The following NCOA3 variants were observed in gnomAD, a reference collection of about 807,000 sequenced individuals.
The protein encoded by NCOA3 is CBP-interacting protein.
A neutral mutation model predicts 158.8 loss-of-function variants in NCOA3; 51 were observed. That is an observed-to-expected ratio of 0.32 (90% CI 0.26 to 0.41). The LOEUF (loss-of-function observed/expected upper bound fraction) is 0.41. Among genes scored for constraint, NCOA3 ranks in the 10% least tolerant of loss-of-function variants. The pLI is 1.00. For missense variants in NCOA3, 1,510 were observed against 1,746.6 expected (o/e 0.86, Z 2.41); for synonymous variants, 537 against 592.4 (o/e 0.91, Z 1.36).
intron 8 of NCOA3, chr20:47,628,362 T>C (rs2086357007): frequency 5.3e-6 from 1 of 189,512 alleles, no homozygotes; most frequent in South Asian, 1.6e-4. Context: ...AAGAAACATG[T>C]TTTAAAAAAT....
chr20:47,636,793 A>G lies in NCOA3; in HGVS notation c.2376+31A>G. 2.6e-6 allele frequency: 4 copies of G among 1,531,570 alleles called. 1 individual carries two copies. Among genetic ancestry groups the G allele is most frequent in the South Asian group, 2.6e-5 (2 of 78,276 alleles). 94.9% of individuals were successfully genotyped at this position (1,531,570 alleles called of 1,614,324 possible). A position where few individuals can be genotyped will look rare whatever the true frequency, so the allele number is the denominator to read the frequency against. On this transcript the variant is annotated intron_variant, in intron 12 of 22. Transcript: ENST00000371998. Reference sequence around the variant, plus strand: ...TTGTTTTCTGTATATTTCAGCTCATATTTCATCATTTTTCGGTGTTAGATA... The same window carrying G: ...TTGTTTTCTGTATATTTCAGCTCATGTTTCATCATTTTTCGGTGTTAGATA...
In NCOA3 at chr20:47,634,013, T is replaced by A. The variant is rs752217747; in HGVS notation, c.965-35T>A. On this transcript the variant is annotated intron_variant, in intron 9 of 22. Transcript: ENST00000371998. Reference sequence around the variant, plus strand: ...TCCTATATATATTTGTTTTGCTGACTGTAGTTACCAGTGATGGGATATTTT... The same window carrying A: ...TCCTATATATATTTGTTTTGCTGACAGTAGTTACCAGTGATGGGATATTTT... 5 of 1,612,536 alleles carry A rather than the reference T, an allele frequency of 3.1e-6. No individual in the cohort carries two copies. In the South Asian group the frequency reaches 5.5e-5, roughly 18 times the overall value.
chr20:47,642,422 T>TTG (rs753585419), intron 17 of NCOA3, 38 bp downstream of exon 17: 248 of 1,512,040 alleles, frequency 1.6e-4, no homozygotes, highest in Non-Finnish European at 2.1e-4. Flanking sequence ...GAGTGTATAT[T>TTG]TGTGTGTGTG....
intron 1 of NCOA3, among the ~76,000 whole-genome samples, chr20:47,558,582 C>T (rs2085050073): frequency 6.6e-6 from 1 of 152,082 alleles, no homozygotes; most frequent in Non-Finnish European, 1.5e-5. Flanking sequence ...GTGTCCCTAT[C>T]AGTAAAAGAA....
intron 1 of NCOA3, among the ~76,000 whole-genome samples, chr20:47,556,980 G>A (rs1208909865): frequency 6.6e-6 from 1 of 152,142 alleles, no homozygotes; most frequent in Non-Finnish European, 1.5e-5. Flanking sequence ...CTTTTTGTCA[G>A]TATATAGAGA....
At chr20:47,570,984 A>ATGTGTGTGTGTGTG (rs74178747) in intron 1 of NCOA3, among the ~76,000 whole-genome samples, 23,932 of 119,120 alleles carry the variant, frequency 0.2, 3,086 homozygotes, top group Non-Finnish European at 0.28. Flanking sequence ...ATATACATAT[A>ATGTGTGTGTGTGTG]TGTGTGTGTG....
intron 17 of NCOA3, among the ~76,000 whole-genome samples, chr20:47,646,787 T>G (rs556633833): frequency 6.6e-5 from 10 of 152,310 alleles, no homozygotes; most frequent in African/African-American, 2.4e-4. Flanking sequence ...ATTCAGTGCC[T>G]GTGGATGAGA....
At chr20:47,508,326 T>G (rs1247235653) in intron 1 of NCOA3, among the ~76,000 whole-genome samples, 4 of 152,352 alleles carry the variant, frequency 2.6e-5, no homozygotes, top group Admixed American at 2.6e-4. Flanking sequence ...GAAGTCATTC[T>G]TTTAAATAGA....
chr20:47,570,947 C>CACAT (rs2085283184), intron 1 of NCOA3, among the ~76,000 whole-genome samples: 1 of 128,554 alleles, frequency 7.8e-6, no homozygotes, highest in African/African-American at 3.0e-5. Context: ...TATACACACA[C>CACAT]ACACACACAC....
chr20:47,514,116 T>G (rs2146061738), intron 1 of NCOA3, among the ~76,000 whole-genome samples: 1 of 152,314 alleles, frequency 6.6e-6, no homozygotes, highest in South Asian at 2.1e-4. Flanking sequence ...AAGTATTTTC[T>G]TAACTGAGAC....
At chr20:47,570,969 C>CACACA (rs1555805791) in intron 1 of NCOA3, among the ~76,000 whole-genome samples, 2 of 105,464 alleles carry the variant, frequency 1.9e-5, no homozygotes, top group Admixed American at 8.8e-5. Context: ...CACACACACA[C>CACACA]AAGTATATAC....
rs1602559688 is a variant in NCOA3, at chr20:47,656,276, T to C, written c.*2859T>C. 1 of 152,170 alleles carries C rather than the reference T, an allele frequency of 6.6e-6. No homozygotes were observed. The highest frequency in any genetic ancestry group is 2.1e-4 in the South Asian group (1 of 4,830). The allele number at this position is 152,170 out of a possible 1,614,324, so 9.4% of individuals were successfully genotyped here. On this transcript the variant is annotated 3_prime_UTR_variant, in exon 23 of 23. Coordinates refer to ENST00000371998, the MANE Select transcript of NCOA3 (RefSeq NM_181659.3). ...TAATGTTCATATTATGATGCCACTTTTCTAAACTGCATCTGGATTGAAAGG... is the reference window on the plus strand; with the variant it reads ...TAATGTTCATATTATGATGCCACTTCTCTAAACTGCATCTGGATTGAAAGG...
At chr20:47,578,784 C>T (rs1275294914) in intron 1 of NCOA3, among the ~76,000 whole-genome samples, 3 of 152,194 alleles carry the variant, frequency 2.0e-5, no homozygotes, top group Admixed American at 6.5e-5. Context: ...GTGACAGTGG[C>T]TCCCCTTTTC....
chr20:47,575,635 T>TA, intron 1 of NCOA3, among the ~76,000 whole-genome samples: 1 of 152,338 alleles, frequency 6.6e-6, no homozygotes, highest in South Asian at 2.1e-4. Flanking sequence ...ACTGGTATCT[T>TA]ACTTTGCTGG....
rs2086849126 is a variant in NCOA3 at position 47,654,864 on chromosome 20, A to ATGTATG, written c.*1450_*1451insATGTGT. The ATGTATG allele has an allele frequency of 6.7e-6, 1 of 148,270 alleles. No homozygotes were observed. The highest frequency in any genetic ancestry group is 6.7e-5 in the Admixed American group (1 of 14,840). The allele number at this position is 148,270 out of a possible 1,614,324, so 9.2% of individuals were successfully genotyped here. A position where few individuals can be genotyped will look rare whatever the true frequency, so the allele number is the denominator to read the frequency against. ...ATTCATGGGCTGTGTGTGTGTGTGT[A>ATGTATG]TGTGTGTGTGTGTGTGTGTATGTTT... is the stretch of plus-strand genomic sequence containing the variant. On this transcript the variant is annotated 3_prime_UTR_variant, in exon 23 of 23. Coordinates refer to ENST00000371998, the MANE Select transcript of NCOA3 (RefSeq NM_181659.3).
chr20:47,504,341 AC>A (rs1254550160), intron 1 of NCOA3, among the ~76,000 whole-genome samples: 2 of 152,204 alleles, frequency 1.3e-5, no homozygotes, highest in East Asian at 3.8e-4. Context: ...GTACTGTTGT[AC>A]GTGAGACCCT....
chr20:47,607,666 A>G (rs2085969432), intron 2 of NCOA3, among the ~76,000 whole-genome samples: 1 of 152,182 alleles, frequency 6.6e-6, no homozygotes, highest in Non-Finnish European at 1.5e-5. Context: ...CCAACTTAGA[A>G]CTCAGATAGG....
At chr20:47,565,977 A>C (rs182961156) in intron 1 of NCOA3, among the ~76,000 whole-genome samples, 1 of 152,170 alleles carries the variant, frequency 6.6e-6, no homozygotes, top group Admixed American at 6.5e-5. Context: ...ACCATTTAAA[A>C]ATTTTTTTTT....
Position 47,651,049 on chromosome 20 carries a change from A to G in NCOA3, c.3719A>G (p.Gln1240Arg). Residue 1240 changes from glutamine (Q) to arginine (R), a missense_variant, in exon 20 of 23, where the codon CAA (glutamine) becomes CGA (arginine). By Grantham distance (43) the Gln-to-Arg change is conservative (BLOSUM62 1). Transcript: ENST00000371998. Reference protein sequence around the residue: ...SRELLSHHFRQQRVAMMMQQQ... With the variant: ...SRELLSHHFRRQRVAMMMQQQ... ...GAGCTGCTAAGTCATCACTTCCGACAACAGAGGGTGGCTATGATGATGCAG... is the reference window on the plus strand; with the variant it reads ...GAGCTGCTAAGTCATCACTTCCGACGACAGAGGGTGGCTATGATGATGCAG... 6.2e-7 allele frequency: 1 copy of G among 1,614,080 alleles called. No individual in the cohort carries two copies. Among genetic ancestry groups the G allele is most frequent in the Non-Finnish European group, 8.5e-7 (1 of 1,179,988 alleles).
Sources: allele counts gnomAD v4.1 joint callset (sites outside exome capture counted in the v4.1 genomes callset), GRCh38; gene constraint gnomAD v4.1.1; transcripts MANE v1.5; gene names NCBI Gene and HGNC (gene_info 2026-07-23, HGNC 2026-07-21).